The following KIF26A variants were observed in gnomAD, a reference collection of about 807,000 sequenced individuals.
KIF26A encodes the protein kinesin family member 26A.
In KIF26A, 74 loss-of-function variants were observed where a neutral mutation model predicts 126.0. That is an observed-to-expected ratio of 0.59 (90% CI 0.49 to 0.71). The LOEUF (loss-of-function observed/expected upper bound fraction) is 0.71. KIF26A is among the 30% of genes least tolerant of loss of function. KIF26A has a pLI of 0.00. For synonymous variants in KIF26A, 1,445 were observed against 1,232.7 expected (o/e 1.17, Z -3.61); for missense variants, 2,984 against 2,763.3 (o/e 1.08, Z -1.79).
In KIF26A at chr14:104,176,971, G is replaced by A; in HGVS notation, c.4183G>A (p.Val1395Ile). The A allele has an allele frequency of 2.0e-6, 3 of 1,536,296 alleles. No homozygotes were observed. The highest frequency in any genetic ancestry group is 2.4e-5 in the East Asian group (1 of 40,982). ...VNPARVGAAA[V>I]LRGEEEPRPS... Reference sequence around the variant, plus strand: ...CCCGGCGCGGGTCGGGGCTGCTGCTGTCCTTCGAGGGGAGGAGGAGCCCAG... The same window carrying A: ...CCCGGCGCGGGTCGGGGCTGCTGCTATCCTTCGAGGGGAGGAGGAGCCCAG... The change falls in exon 12 of 15, where the codon GTC (valine) becomes ATC (isoleucine). Residue 1395 changes from valine (V) to isoleucine (I), a missense_variant. Transcript: ENST00000423312.
rs189381659 is a variant in KIF26A, at chr14:104,148,729, G to A, written c.289-3286G>A. 3.5e-4 allele frequency among the ~76,000 whole-genome samples: 54 copies of A among 152,148 alleles called. 1 individual carries two copies. In the East Asian group the frequency reaches 0.01, roughly 29 times the overall value. On this transcript the variant is annotated intron_variant, in intron 2 of 14. Coordinates refer to ENST00000423312, the MANE Select transcript of KIF26A (RefSeq NM_015656.2). The surrounding 1 kb of genome is among the most constrained non-coding windows in gnomAD (Gnocchi z 4.3). ...CGGCTTTTGTCTCTCTGAGGGCTGC[G>A]TCTGGGGTCTGCTGTGCGGGGAGCA... is the stretch of plus-strand genomic sequence containing the variant.
chr14:104,172,307 T>TGCCCCTGC (rs1435125004), intron 6 of KIF26A, among the ~76,000 whole-genome samples: 2 of 152,262 alleles, frequency 1.3e-5, no homozygotes, highest in Non-Finnish European at 2.9e-5. Context: ...CGTGGTGGTC[T>TGCCCCTGC]GCCCCTGCGC....
chr14:104,152,319 C>T lies in KIF26A; in HGVS notation c.593C>T (p.Ser198Phe), dbSNP rs1478352781. 16 of 1,579,010 alleles carry T rather than the reference C, an allele frequency of 1.0e-5. No individual in the cohort carries two copies. The highest frequency in any genetic ancestry group is 1.4e-5 in the African/African-American group (1 of 73,970). The change falls in exon 3 of 15, where the codon TCC becomes TTC. Residue 198 changes from serine (S) to phenylalanine (F), a missense_variant. Ser to Phe is a radical substitution (Grantham distance 155). Coordinates refer to ENST00000423312, the MANE Select transcript of KIF26A (RefSeq NM_015656.2). This position sits in a 1 kb window ranked among gnomAD's most constrained non-coding sequence, Gnocchi z 5.9. Reference protein sequence around the residue: ...GPDRTKGLAWSPGPSVQVSVA... With the variant: ...GPDRTKGLAWFPGPSVQVSVA... ...GACAGGACCAAGGGGCTGGCCTGGTCCCCCGGGCCCAGTGTCCAGGTGTCT... is the reference window on the plus strand; with the variant it reads ...GACAGGACCAAGGGGCTGGCCTGGTTCCCCGGGCCCAGTGTCCAGGTGTCT...
chr14:104,161,423 G>A (rs533783001), intron 4 of KIF26A, among the ~76,000 whole-genome samples: 19 of 152,310 alleles, frequency 1.2e-4, no homozygotes, highest in African/African-American at 4.6e-4. Flanking sequence ...GTCTCCTTGG[G>A]GTAATTAAGG....
In KIF26A at chr14:104,177,093, C is replaced by T. The variant is rs754490391; in HGVS notation, c.4305C>T (p.His1435=). The part of the protein sequence containing the change: ...KVEAAHRLAG[H]ASLERYEGLA... ...AAGCAGCACACCGTCTTGCCGGACA[C>T]GCGTCTCTGGAGCGGTACGAAGGCC... The change falls in exon 12 of 15, where the codon CAC becomes CAT. Residue 1435 remains histidine, a synonymous_variant. Coordinates refer to ENST00000423312, the MANE Select transcript of KIF26A (RefSeq NM_015656.2). 9.2e-5 allele frequency: 147 copies of T among 1,596,872 alleles called. 1 individual carries two copies. In the East Asian group the frequency reaches 1.4e-3, roughly 16 times the overall value.
intron 2 of KIF26A, among the ~76,000 whole-genome samples, chr14:104,147,751 C>T (rs1359431987): frequency 3.3e-5 from 5 of 152,236 alleles, no homozygotes; most frequent in East Asian, 1.9e-4. Flanking sequence ...TGCAGCCCAG[C>T]ACGCTTTGTT....
intron 4 of KIF26A, among the ~76,000 whole-genome samples, chr14:104,164,677 CGTGT>C (rs1288964151): frequency 6.6e-6 from 1 of 151,704 alleles, no homozygotes; most frequent in Admixed American, 6.6e-5. Flanking sequence ...TGCCTGTCTG[CGTGT>C]GTATGTGTGT....
rs562373242 is a variant in KIF26A, at chr14:104,179,778, G to A, written c.5637G>A (p.Glu1879=). 1.9e-6 allele frequency: 3 copies of A among 1,539,510 alleles called. No homozygotes were observed. Among genetic ancestry groups the A allele is most frequent in the East Asian group, 2.4e-5 (1 of 41,658 alleles). The change falls in exon 15 of 15, where the codon GAG becomes GAA. Residue 1879 remains glutamate (E), a synonymous_variant. Transcript: ENST00000423312. ...AASAAIPGPQ[E]VDV ...GTGCTGCCATCCCGGGGCCGCAGGA[G>A]GTGGACGTCTGAGGCTGGGCGCCGG...
At position 104,176,083 on chromosome 14, in the gene KIF26A, G is replaced by A; in HGVS notation, c.3295G>A (p.Ala1099Thr). 4 of 1,592,274 alleles carry A rather than the reference G, an allele frequency of 2.5e-6. No homozygotes were observed. Among genetic ancestry groups the A allele is most frequent in the Non-Finnish European group, 3.4e-6 (4 of 1,171,446 alleles). The change falls in exon 12 of 15, where the codon GCA becomes ACA. Residue 1099 changes from alanine to threonine, a missense_variant. Physicochemically the swap from Ala to Thr is moderately conservative, Grantham distance 58. Transcript: ENST00000423312. ...CCCTGAGGGGGGGCCCCTGGAGGGG[G>A]CAGCCTGGGCCGGCAGCAGTCACGG... is the stretch of plus-strand genomic sequence containing the variant. ...QAPEGGPLEG[A>T]AWAGSSHGSS...
At position 104,139,253 on chromosome 14, in the gene KIF26A, T is replaced by A; in HGVS notation, c.253T>A (p.Trp85Arg). 6.5e-7 allele frequency: 1 copy of A among 1,549,376 alleles called. No homozygotes were observed. Among genetic ancestry groups the A allele is most frequent in the African/African-American group, 1.4e-5 (1 of 72,482 alleles). ...GCTGGTGGAGCTCAAGCGACAGGCG[T>A]GGAAGCTGGTCAGCGGGCCCGGGAC... ...TKLVELKRQA[W>R]KLVSGPGTTL... The change falls in exon 2 of 15, where the codon TGG (tryptophan) becomes AGG (arginine). Residue 85 changes from tryptophan (W) to arginine (R), a missense_variant. Trp to Arg is a moderately radical substitution (Grantham distance 101). Transcript: ENST00000423312.
chr14:104,175,851 G>A lies in KIF26A; in HGVS notation c.3063G>A (p.Gln1021=). ...TGCTCACCACCACAGTGACCCTGCA[G>A]CGGCCAGTGGAGCTCAACGGCGAGG... ...RGLLTTTVTL[Q]RPVELNGEDE... is the part of the protein sequence containing the mutation. The change falls in exon 12 of 15, where the codon CAG becomes CAA. Residue 1021 remains glutamine, a synonymous_variant. Transcript: ENST00000423312. The A allele has an allele frequency of 6.5e-7, 1 of 1,539,080 alleles. No homozygotes were observed. The highest frequency in any genetic ancestry group is 8.7e-7 in the Non-Finnish European group (1 of 1,147,366).
In KIF26A at chr14:104,161,645, C is replaced by T. The variant is rs886947048; in HGVS notation, c.923+3703C>T. 3.9e-5 allele frequency among the ~76,000 whole-genome samples: 6 copies of T among 152,322 alleles called. No individual in the cohort carries two copies. The East Asian group carries it at 5.8e-4, about 15-fold the overall frequency. ...GCTGTCTCGTTCATCCTCGCTCACG[C>T]GTGTTCTGAGCTTCTTCTGTGAGCA... is the stretch of plus-strand genomic sequence containing the variant. On this transcript the variant is annotated intron_variant, in intron 4 of 14. Coordinates refer to ENST00000423312, the MANE Select transcript of KIF26A (RefSeq NM_015656.2).
At chr14:104,140,051 C>A (rs978009723) in intron 2 of KIF26A, among the ~76,000 whole-genome samples, 1 of 152,210 alleles carries the variant, frequency 6.6e-6, no homozygotes, top group African/African-American at 2.4e-5. Context: ...AGGAAGCCCG[C>A]TGCCGGGCCT....
chr14:104,165,549 G>GCA (rs2037883784), intron 4 of KIF26A, among the ~76,000 whole-genome samples: 9 of 145,930 alleles, frequency 6.2e-5, no homozygotes, highest in South Asian at 2.1e-4. Flanking sequence ...CTATGCGTGT[G>GCA]TGTGTGTCTG....
intron 3 of KIF26A, among the ~76,000 whole-genome samples, chr14:104,154,626 C>G (rs2037759905): frequency 6.6e-6 from 1 of 152,244 alleles, no homozygotes. Context: ...GAGCTCTGGA[C>G]AGTGGTCATG....
chr14:104,175,971 C>T lies in KIF26A; in HGVS notation c.3183C>T (p.Cys1061=). Residue 1061 remains cysteine (C), a synonymous_variant, in exon 12 of 15, where the codon TGC becomes TGT. Coordinates refer to ENST00000423312, the MANE Select transcript of KIF26A (RefSeq NM_015656.2). ...PTSLASFDSD[C]SLRALASGSR... is the part of the protein sequence containing the mutation. ...GCCTGGCTAGCTTCGACAGTGACTGCTCCCTGCGGGCCCTGGCCTCGGGGT... is the reference window on the plus strand; with the variant it reads ...GCCTGGCTAGCTTCGACAGTGACTGTTCCCTGCGGGCCCTGGCCTCGGGGT... 1.3e-6 allele frequency: 2 copies of T among 1,574,666 alleles called. No homozygotes were observed. Among genetic ancestry groups the T allele is most frequent in the African/African-American group, 1.3e-5 (1 of 74,470 alleles).
chr14:104,139,903 G>A (rs765786861), intron 2 of KIF26A, among the ~76,000 whole-genome samples: 1 of 152,224 alleles, frequency 6.6e-6, no homozygotes, highest in Non-Finnish European at 1.5e-5. Flanking sequence ...AGCCCCAGGG[G>A]CAGGTGCTTG....
intron 4 of KIF26A, among the ~76,000 whole-genome samples, chr14:104,165,279 ATG>A (rs1162914676): frequency 1.4e-4 from 19 of 140,110 alleles, no homozygotes; most frequent in Non-Finnish European, 2.0e-4. Context: ...ATCTCTATGC[ATG>A]TGTGTGTCTC....
chr14:104,142,062 C>T (rs952411172), intron 2 of KIF26A, among the ~76,000 whole-genome samples: 2 of 152,152 alleles, frequency 1.3e-5, no homozygotes, highest in African/African-American at 2.4e-5. Flanking sequence ...CTCTTGTCTG[C>T]CTGAGCCTGT....
Sources: allele counts gnomAD v4.1 joint callset (sites outside exome capture counted in the v4.1 genomes callset), GRCh38; gene constraint gnomAD v4.1.1; non-coding constraint Gnocchi (gnomAD v3.1); transcripts MANE v1.5; gene names NCBI Gene and HGNC (gene_info 2026-07-23, HGNC 2026-07-21).